PARN: variants seen among roughly 807,000 people sequenced by gnomAD.
PARN encodes poly(A)-specific ribonuclease PARN.
PARN carries 71 observed loss-of-function variants against 102.8 expected under a neutral mutation model. That is an observed-to-expected ratio of 0.69 (90% confidence interval 0.57 to 0.84). The LOEUF (loss-of-function observed/expected upper bound fraction) is 0.84. Ranked by LOEUF, PARN falls within the 40% of genes least tolerant of loss-of-function variation. PARN has a pLI of 0.00. For missense variants in PARN, 782 were observed against 760.9 expected (o/e 1.03, Z -0.33); for synonymous variants, 261 against 252.9 (o/e 1.03, Z -0.30).
At chr16:14,533,551 C>A (rs1460176806) in intron 21 of PARN, among the ~76,000 whole-genome samples, 1 of 151,804 alleles carries the variant, frequency 6.6e-6, no homozygotes, top group Non-Finnish European at 1.5e-5. Flanking sequence ...CGTTCTAGCT[C>A]CCCGCTGCCC....
At chr16:14,581,684 C>G (rs1180686705) in intron 17 of PARN, among the ~76,000 whole-genome samples, 3 of 152,094 alleles carry the variant, frequency 2.0e-5, no homozygotes, top group African/African-American at 2.4e-5. Flanking sequence ...CTTTGGGAGG[C>G]TGAGGTAGGA....
chr16:14,573,473 C>T (rs1417001908), intron 18 of PARN, among the ~76,000 whole-genome samples: 1 of 152,130 alleles, frequency 6.6e-6, no homozygotes, highest in African/African-American at 2.4e-5. Flanking sequence ...CTCCCCGCAC[C>T]CCTTATATTT....
intron 8 of PARN, 47 bp downstream of exon 8, chr16:14,609,011 C>T (rs1194177256): frequency 9.4e-7 from 1 of 1,067,978 alleles, no homozygotes; most frequent in Non-Finnish European, 1.4e-6. Flanking sequence ...CACAAACCAT[C>T]TACCTTTCCA....
At chr16:14,559,061 G>A (rs537504718) in intron 18 of PARN, among the ~76,000 whole-genome samples, 89 of 151,916 alleles carry the variant, frequency 5.9e-4, no homozygotes, top group Non-Finnish European at 1.0e-3. Context: ...CCACAAACTC[G>A]AATTTGCAAT....
chr16:14,443,850 C>T (rs1266687621), intron 23 of PARN, among the ~76,000 whole-genome samples: 2 of 151,638 alleles, frequency 1.3e-5, no homozygotes, highest in East Asian at 3.9e-4. Flanking sequence ...TGAGTACCTG[C>T]TGAGATGCTT....
intron 22 of PARN, among the ~76,000 whole-genome samples, chr16:14,479,071 C>A (rs899067468): frequency 2.6e-5 from 4 of 152,064 alleles, no homozygotes; most frequent in Non-Finnish European, 5.9e-5. Context: ...TGCCCGGCAA[C>A]AATGAATTGT....
At chr16:14,518,911 T>C (rs927624004) in intron 21 of PARN, among the ~76,000 whole-genome samples, 6 of 152,116 alleles carry the variant, frequency 3.9e-5, no homozygotes, top group African/African-American at 1.4e-4. Flanking sequence ...AGACAGGGAA[T>C]GTTCCAGAAG....
At chr16:14,625,013 CAAA>C (rs1022625530) in intron 5 of PARN, among the ~76,000 whole-genome samples, 1 of 147,462 alleles carries the variant, frequency 6.8e-6, no homozygotes, top group Non-Finnish European at 1.5e-5. Flanking sequence ...AACTCCATCT[CAAA>C]AAAAAAAGAA....
intron 11 of PARN, among the ~76,000 whole-genome samples, chr16:14,602,755 C>T (rs966462208): frequency 6.6e-6 from 1 of 152,130 alleles, no homozygotes; most frequent in African/African-American, 2.4e-5. Context: ...TCCTGGGAGG[C>T]TGTCATGAAA....
intron 18 of PARN, among the ~76,000 whole-genome samples, chr16:14,575,584 C>T (rs148739717): frequency 1.3e-5 from 2 of 152,170 alleles, no homozygotes; most frequent in South Asian, 2.1e-4. Flanking sequence ...GCCTGTACCC[C>T]CATTGTATCT....
At chr16:14,481,897 G>A (rs947430021) in intron 22 of PARN, among the ~76,000 whole-genome samples, 4 of 152,162 alleles carry the variant, frequency 2.6e-5, no homozygotes, top group African/African-American at 9.7e-5. Context: ...GGTGATAAAA[G>A]GAAGTGTGAG....
In PARN at chr16:14,606,509, T is replaced by C; in HGVS notation, c.677A>G (p.His226Arg). The C allele has an allele frequency of 6.3e-7, 1 of 1,577,268 alleles. No individual in the cohort carries two copies. Among genetic ancestry groups the C allele is most frequent in the Non-Finnish European group, 8.7e-7 (1 of 1,154,410 alleles). The change falls in exon 10 of 24, where the codon CAT becomes CGT. Residue 226 changes from histidine to arginine, a missense_variant. By Grantham distance (29) the His-to-Arg change is conservative (BLOSUM62 0). Transcript: ENST00000437198. The stretch of plus-strand genomic sequence containing the variant: ...CTTTTCAGTTTCTAAAGTCTCAACA[T>C]GAATGCCTTTCGGATACCTAAAGAA... ...TLSWKYPKGI[H>R]VETLETEKKE...
At chr16:14,452,528 G>A (rs1350146648) in intron 22 of PARN, among the ~76,000 whole-genome samples, 1 of 152,154 alleles carries the variant, frequency 6.6e-6, no homozygotes, top group East Asian at 1.9e-4. Flanking sequence ...GTAGAAACAG[G>A]GTTTCACCAT....
chr16:14,629,326 C>G (rs571364000), intron 2 of PARN, among the ~76,000 whole-genome samples: 1 of 152,334 alleles, frequency 6.6e-6, no homozygotes, highest in East Asian at 1.9e-4. Flanking sequence ...TCCTCAAGCT[C>G]TCTGCAATGT....
intron 5 of PARN, among the ~76,000 whole-genome samples, chr16:14,620,482 C>A (rs545496021): frequency 6.6e-6 from 1 of 152,302 alleles, no homozygotes; most frequent in East Asian, 1.9e-4. Context: ...AAGAAATAAG[C>A]ATTACTGTAG....
Position 14,629,783 on chromosome 16 carries a change from G to C in PARN, c.20-109C>G, listed in dbSNP as rs73525417. The C allele has an allele frequency of 5.9e-6, 5 of 850,196 alleles. No homozygotes were observed. The African/African-American group carries it at 8.3e-5, about 14-fold the overall frequency. 52.7% of individuals were successfully genotyped at this position (850,196 alleles called of 1,614,324 possible). ...GAGGCTGAGAGCCGGAAGGGGAAAAGTCCCGGAGGTGTGCACCGGGGCGAG... is the reference window on the plus strand; with the variant it reads ...GAGGCTGAGAGCCGGAAGGGGAAAACTCCCGGAGGTGTGCACCGGGGCGAG... On this transcript the variant is annotated intron_variant, in intron 1 of 23. Transcript: ENST00000437198.
Position 14,577,470 on chromosome 16 carries a change from AC to A in PARN, c.1262+3403del, listed in dbSNP as rs1004690771. Among the ~76,000 whole-genome samples the A allele has an allele frequency of 2.0e-5, 3 of 151,868 alleles. No homozygotes were observed. In the South Asian group the frequency reaches 6.2e-4, roughly 32 times the overall value. On this transcript the variant is annotated intron_variant, in intron 18 of 23. Transcript: ENST00000437198. The stretch of plus-strand genomic sequence containing the variant: ...TGCCTCAGCCTCCCGAGTAGCTGGG[AC>A]TACAGGTGTCTGCCCCTACACCCAC...
chr16:14,516,393 G>A (rs1965457642), intron 21 of PARN, among the ~76,000 whole-genome samples: 2 of 151,954 alleles, frequency 1.3e-5, no homozygotes. Context: ...AGGCTATACC[G>A]CATACATCTG....
At chr16:14,585,501 G>A (rs566774485) in intron 14 of PARN, among the ~76,000 whole-genome samples, 17 of 151,660 alleles carry the variant, frequency 1.1e-4, no homozygotes, top group Admixed American at 2.0e-4. Context: ...ACACTTGTTC[G>A]GTAGGCTCCA....
Sources: gnomAD v4.1 joint callset for allele counts (sites outside exome capture counted in the v4.1 genomes callset) on GRCh38, gnomAD v4.1.1 for gene constraint, MANE v1.5 for transcripts, NCBI Gene and HGNC (gene_info 2026-07-23, HGNC 2026-07-21) for gene names.